The following TMEM131 variants were observed in gnomAD, a reference collection of about 807,000 sequenced individuals.
TMEM131 encodes the protein transmembrane protein 131, also known as 2610524E03Rik.
A neutral mutation model predicts 211.6 loss-of-function variants in TMEM131; 66 were observed. The observed-to-expected ratio is 0.31, with a 90% CI of 0.26 to 0.38. The LOEUF (loss-of-function observed/expected upper bound fraction) is 0.38. TMEM131 is among the 10% of genes least tolerant of loss of function. TMEM131 has a pLI of 1.00. For synonymous variants in TMEM131, 844 were observed against 841.3 expected, an observed-to-expected ratio of 1.00 and a Z score of -0.06; for missense variants, 2,036 against 2,299.3, an observed-to-expected ratio of 0.89 and a Z score of 2.34.
intron 2 of TMEM131, among the ~76,000 whole-genome samples, chr2:97,911,343 C>T (rs562954493): frequency 4.7e-4 from 72 of 152,134 alleles, no homozygotes; most frequent in Non-Finnish European, 9.7e-4. Context: ...AAGGGTGACA[C>T]GTATGTCCAT....
intron 4 of TMEM131, among the ~76,000 whole-genome samples, chr2:97,872,492 G>A (rs1442591014): frequency 6.6e-6 from 1 of 152,102 alleles, no homozygotes; most frequent in African/African-American, 2.4e-5. Flanking sequence ...GGCCGAACAG[G>A]AACAGCTCCA....
intron 1 of TMEM131, among the ~76,000 whole-genome samples, chr2:97,941,227 G>A (rs1474392386): frequency 6.6e-6 from 1 of 152,158 alleles, no homozygotes; most frequent in East Asian, 1.9e-4. Flanking sequence ...ATGGGGAAAG[G>A]ATTCCCTATT....
rs188608089 is a variant in TMEM131 at position 97,888,143 on chromosome 2, A to G, written c.291-23T>C. The G allele has an allele frequency of 5.9e-4, 937 of 1,586,194 alleles. 7 individuals carry two copies. The African/African-American group carries it at 6.3e-3, about 11-fold the overall frequency. ...ATACTGTAAATAAAAAGAAAACAAC[A>G]TAAGAAGCAATTCTTCAAAATATAT... On this transcript the variant is annotated intron_variant, in intron 3 of 40. Transcript: ENST00000186436.
chr2:97,758,080 C>T (rs1299384605), intron 40 of TMEM131, among the ~76,000 whole-genome samples: 3 of 150,016 alleles, frequency 2.0e-5, no homozygotes, highest in Non-Finnish European at 3.0e-5. Context: ...TGCAGTGAGC[C>T]GAGATTGTGC....
chr2:97,875,005 T>C (rs1674634051), intron 4 of TMEM131, among the ~76,000 whole-genome samples: 1 of 151,756 alleles, frequency 6.6e-6, no homozygotes, highest in Non-Finnish European at 1.5e-5. Flanking sequence ...AGGCTCAAAA[T>C]AAATGGATGG....
intron 11 of TMEM131, among the ~76,000 whole-genome samples, chr2:97,826,713 A>G (rs1335932458): frequency 6.6e-6 from 1 of 152,194 alleles, no homozygotes; most frequent in Admixed American, 6.5e-5. Flanking sequence ...AGAAAAAGAA[A>G]TGGAAGTAGT....
intron 4 of TMEM131, among the ~76,000 whole-genome samples, chr2:97,886,741 G>C (rs564662527): frequency 8.5e-5 from 13 of 152,188 alleles, no homozygotes; most frequent in Non-Finnish European, 1.5e-4. Context: ...CTGGACAGCA[G>C]CACAAGCACG....
At chr2:97,763,235 C>T (rs1416266322) in intron 35 of TMEM131, 3 of 152,422 alleles carry the variant, frequency 2.0e-5, no homozygotes, top group Non-Finnish European at 4.4e-5. Flanking sequence ...CCCCTACCCC[C>T]AGGGCTCAGG....
At chr2:97,955,556 G>T (rs1222450039) in intron 1 of TMEM131, among the ~76,000 whole-genome samples, 3 of 152,112 alleles carry the variant, frequency 2.0e-5, no homozygotes. Flanking sequence ...AGGAACCTGT[G>T]AAAATCATCT....
At chr2:97,955,234 T>C (rs1245332659) in intron 1 of TMEM131, among the ~76,000 whole-genome samples, 2 of 152,108 alleles carry the variant, frequency 1.3e-5, no homozygotes, top group Non-Finnish European at 2.9e-5. Context: ...TATGATCATG[T>C]CAATTGATGC....
At chr2:97,902,872 T>C (rs1675914962) in intron 3 of TMEM131, among the ~76,000 whole-genome samples, 1 of 152,194 alleles carries the variant, frequency 6.6e-6, no homozygotes, top group African/African-American at 2.4e-5. Flanking sequence ...CTTTCTCCTG[T>C]GCTGGATGGT....
At chr2:97,787,224 G>A (rs1487916480) in intron 31 of TMEM131, among the ~76,000 whole-genome samples, 1 of 152,238 alleles carries the variant, frequency 6.6e-6, no homozygotes, top group Non-Finnish European at 1.5e-5. Flanking sequence ...TACATGCTGT[G>A]TAATGAATTT....
chr2:97,942,739 G>A (rs1201592191), intron 1 of TMEM131, among the ~76,000 whole-genome samples: 1 of 151,984 alleles, frequency 6.6e-6, no homozygotes, highest in African/African-American at 2.4e-5. Context: ...GAATAGCCTA[G>A]GGACAGGTGG....
chr2:97,790,111 T>A (rs944737836), intron 31 of TMEM131, among the ~76,000 whole-genome samples: 5 of 152,158 alleles, frequency 3.3e-5, no homozygotes, highest in African/African-American at 1.2e-4. Flanking sequence ...AAAAAGAGAA[T>A]GTTACTATTT....
intron 35 of TMEM131, chr2:97,763,529 A>G (rs1678983820): frequency 6.6e-6 from 1 of 152,348 alleles, no homozygotes; most frequent in Non-Finnish European, 1.5e-5. Flanking sequence ...CCGCTCTCCC[A>G]TACGAGCCCT....
At chr2:97,849,305 AC>A (rs1241762460) in intron 5 of TMEM131, among the ~76,000 whole-genome samples, 2 of 152,202 alleles carry the variant, frequency 1.3e-5, no homozygotes, top group Non-Finnish European at 2.9e-5. Flanking sequence ...AACTGGAAAC[AC>A]CCCAAAAGTC....
chr2:97,870,043 G>GA (rs2105218801), intron 4 of TMEM131, among the ~76,000 whole-genome samples: 1 of 152,252 alleles, frequency 6.6e-6, no homozygotes, highest in African/African-American at 2.4e-5. Flanking sequence ...GCAGCACGAA[G>GA]AAACTCTCTT....
At chr2:97,877,028 T>C (rs192712330) in intron 4 of TMEM131, among the ~76,000 whole-genome samples, 18 of 152,298 alleles carry the variant, frequency 1.2e-4, no homozygotes, top group Admixed American at 3.3e-4. Flanking sequence ...AAAATCAATG[T>C]GCAAAACTCA....
chr2:97,859,824 C>T (rs868754878), intron 4 of TMEM131, among the ~76,000 whole-genome samples: 2 of 152,170 alleles, frequency 1.3e-5, no homozygotes, highest in African/African-American at 4.8e-5. Flanking sequence ...AACTGAGTAG[C>T]AAAGTTGTGT....
Sources: gnomAD v4.1 joint callset for allele counts (sites outside exome capture counted in the v4.1 genomes callset) on GRCh38, gnomAD v4.1.1 for gene constraint, MANE v1.5 for transcripts, NCBI Gene and HGNC (gene_info 2026-07-23, HGNC 2026-07-21) for gene names.